The following MYO16 variants were observed in gnomAD, a reference collection of about 807,000 sequenced individuals.
MYO16 encodes myosin XVI.
A neutral mutation model predicts 205.3 loss-of-function variants in MYO16; 94 were observed. The observed-to-expected ratio is 0.46, with a 90% CI of 0.39 to 0.54. MYO16 has a LOEUF of 0.54. Among genes scored for constraint, MYO16 ranks in the 20% least tolerant of loss-of-function variants. The pLI is 0.00. For missense variants in MYO16, 2,315 were observed against 2,387.5 expected (o/e 0.97, Z 0.63); for synonymous variants, 988 against 954.0 (o/e 1.04, Z -0.66).
chr13:108,857,486 G>A (rs543329375), intron 11 of MYO16, among the ~76,000 whole-genome samples: 28 of 152,318 alleles, frequency 1.8e-4, no homozygotes, highest in African/African-American at 6.7e-4. Context: ...GTATCAAATG[G>A]TGAATAAGGA....
intron 23 of MYO16, among the ~76,000 whole-genome samples, chr13:109,034,565 T>C (rs1886652175): frequency 6.6e-6 from 1 of 152,220 alleles, no homozygotes; most frequent in Non-Finnish European, 1.5e-5. Context: ...CTCTTTCCTT[T>C]ATAAATTACT....
chr13:109,172,470 G>A (rs1878962464), intron 33 of MYO16, among the ~76,000 whole-genome samples: 1 of 152,158 alleles, frequency 6.6e-6, no homozygotes, highest in African/African-American at 2.4e-5. Context: ...CTGCAGTTGA[G>A]AAGTCAGTAT....
intron 1 of MYO16, among the ~76,000 whole-genome samples, chr13:108,636,881 T>C (rs900212119): frequency 2.6e-5 from 4 of 152,224 alleles, no homozygotes; most frequent in Non-Finnish European, 5.9e-5. Flanking sequence ...CTTATATTAC[T>C]TTTACCCACA....
At chr13:108,648,301 C>G (rs80353192) in intron 1 of MYO16, among the ~76,000 whole-genome samples, 1 of 152,152 alleles carries the variant, frequency 6.6e-6, no homozygotes, top group Non-Finnish European at 1.5e-5. Context: ...GGAGGAGAAG[C>G]ACTGAATACT....
chr13:108,994,007 A>T (rs1884923387), intron 21 of MYO16, among the ~76,000 whole-genome samples: 1 of 152,172 alleles, frequency 6.6e-6, no homozygotes, highest in Non-Finnish European at 1.5e-5. Context: ...GCAACTCCAC[A>T]CCCAGACATA....
the MYO16 span, among the ~76,000 whole-genome samples, chr13:108,521,819 G>T: frequency 2.3e-3 from 351 of 152,276 alleles, 2 homozygotes; most frequent in African/African-American, 8.1e-3. Context: ...GAGCATTAGA[G>T]ATTTCAGAAA....
intron 7 of MYO16, among the ~76,000 whole-genome samples, chr13:108,816,416 C>CCG (rs1277818295): frequency 6.6e-6 from 1 of 152,038 alleles, no homozygotes. Context: ...AGTAGCGCCC[C>CCG]CCACCCACCC....
At chr13:108,522,298 T>A in the MYO16 span, among the ~76,000 whole-genome samples, 2 of 152,258 alleles carry the variant, frequency 1.3e-5, no homozygotes, top group African/African-American at 4.8e-5. Flanking sequence ...AGTCTATTGC[T>A]ATTTGTTTAC....
intron 1 of MYO16, among the ~76,000 whole-genome samples, chr13:108,603,629 G>A (rs1297595852): frequency 2.0e-5 from 3 of 151,782 alleles, no homozygotes; most frequent in African/African-American, 7.3e-5. Flanking sequence ...CCTACTCTGA[G>A]TTCATTTGAA....
intron 24 of MYO16, 101 bp from the exon 25 acceptor site, chr13:109,052,199 C>T (rs577195042): frequency 3.6e-4 from 368 of 1,011,456 alleles, no homozygotes; most frequent in Admixed American, 6.7e-4. Flanking sequence ...CGTCTTGCAC[C>T]CAGAATGTAT....
At chr13:108,577,786 G>C in the MYO16 span, among the ~76,000 whole-genome samples, 1 of 152,090 alleles carries the variant, frequency 6.6e-6, no homozygotes, top group African/African-American at 2.4e-5. Flanking sequence ...TTATTGACAA[G>C]GTATTTTAAA....
At chr13:108,958,271 A>G (rs1883458514) in intron 17 of MYO16, among the ~76,000 whole-genome samples, 1 of 149,202 alleles carries the variant, frequency 6.7e-6, no homozygotes, top group East Asian at 1.9e-4. Context: ...TATTTTATAT[A>G]TGTATCCAAA....
At chr13:108,598,987 T>TCCCTCCC (rs1878662597) in intron 1 of MYO16, among the ~76,000 whole-genome samples, 2 of 122,628 alleles carry the variant, frequency 1.6e-5, no homozygotes, top group South Asian at 3.1e-4. Context: ...CCTAATGCTA[T>TCCCTCCC]CCCTCCCCCC....
In MYO16 at chr13:109,109,910, A is replaced by T. The variant is rs191198572; in HGVS notation, c.3438+9023A>T. Among the ~76,000 whole-genome samples, 22 of 152,348 alleles carry T rather than the reference A, an allele frequency of 1.4e-4. No individual in the cohort carries two copies. In the East Asian group the frequency reaches 3.7e-3, roughly 25 times the overall value. On this transcript the variant is annotated intron_variant, in intron 28 of 34. Transcript: ENST00000457511. Reference sequence around the variant, plus strand: ...TGAATAGCTACAAATAGTCCTAAAGATGCACTACATAAGATCAGATGTGCA... The same window carrying T: ...TGAATAGCTACAAATAGTCCTAAAGTTGCACTACATAAGATCAGATGTGCA...
At chr13:109,021,896 T>C (rs1886035114) in intron 23 of MYO16, among the ~76,000 whole-genome samples, 1 of 151,540 alleles carries the variant, frequency 6.6e-6, no homozygotes, top group African/African-American at 2.4e-5. Context: ...ATTGGTATCA[T>C]AGAAACCAAG....
At chr13:108,919,338 A>G (rs1881640648) in intron 16 of MYO16, among the ~76,000 whole-genome samples, 1 of 152,238 alleles carries the variant, frequency 6.6e-6, no homozygotes, top group Admixed American at 6.5e-5. Context: ...AGGTCAGATT[A>G]ACATATTTTG....
At chr13:108,898,199 G>GTGCGTCCATAGCGTGCCTGTGT in intron 15 of MYO16, 66 bp downstream of exon 15, 1 of 1,206,174 alleles carries the variant, frequency 8.3e-7, no homozygotes, top group Non-Finnish European at 1.2e-6. Flanking sequence ...GTCACACACA[G>GTGCGTCCATAGCGTGCCTGTGT]GCACGCTATG....
intron 1 of MYO16, among the ~76,000 whole-genome samples, chr13:108,597,738 A>G (rs1436645147): frequency 2.6e-5 from 4 of 152,040 alleles, no homozygotes; most frequent in Admixed American, 1.3e-4. Context: ...AACATACAAA[A>G]TTGCCTGTGT....
At chr13:108,812,259 A>C (rs2138996531) in intron 7 of MYO16, among the ~76,000 whole-genome samples, 1 of 152,200 alleles carries the variant, frequency 6.6e-6, no homozygotes, top group East Asian at 1.9e-4. Context: ...CAGCCTTACC[A>C]CAACTTGCGG....
Sources: allele counts gnomAD v4.1 joint callset (sites outside exome capture counted in the v4.1 genomes callset), GRCh38; gene constraint gnomAD v4.1.1; transcripts MANE v1.5; gene names NCBI Gene and HGNC (gene_info 2026-07-23, HGNC 2026-07-21).